Variants in NEDD4L observed in about 807,000 individuals in gnomAD.
NEDD4L encodes NEDD4 like E3 ubiquitin protein ligase.
In NEDD4L, 54 loss-of-function variants were observed where a neutral mutation model predicts 148.9. The observed-to-expected ratio is 0.36, with a 90% CI of 0.29 to 0.45. The LOEUF (loss-of-function observed/expected upper bound fraction) is 0.45, where lower values mean the gene tolerates loss of function less well. Among genes scored for constraint, NEDD4L ranks in the 20% least tolerant of loss-of-function variants. NEDD4L has a pLI of 1.00. For synonymous variants in NEDD4L, 433 were observed against 440.7 expected, an observed-to-expected ratio of 0.98 and a Z score of 0.22; for missense variants, 856 against 1,233.8, an observed-to-expected ratio of 0.69 and a Z score of 4.59.
chr18:58,127,955 C>T (rs929705008), intron 1 of NEDD4L, among the ~76,000 whole-genome samples: 1 of 152,194 alleles, frequency 6.6e-6, no homozygotes, highest in Non-Finnish European at 1.5e-5. Flanking sequence ...CAAACCCCAC[C>T]TCCCAGTTCA....
At chr18:58,068,344 C>T (rs776300120) in intron 1 of NEDD4L, among the ~76,000 whole-genome samples, 6 of 152,050 alleles carry the variant, frequency 3.9e-5, no homozygotes, top group African/African-American at 7.2e-5. Flanking sequence ...AGACTACAGG[C>T]GCCTGCCACC....
intron 1 of NEDD4L, among the ~76,000 whole-genome samples, chr18:58,097,763 G>T (rs1191412229): frequency 1.3e-5 from 2 of 152,170 alleles, no homozygotes; most frequent in Non-Finnish European, 2.9e-5. Flanking sequence ...CAGGTATGGT[G>T]GCTTATGCTT....
Position 58,180,921 on chromosome 18 carries a change from G to C in NEDD4L, c.122+15060G>C, listed in dbSNP as rs75824004. Among the ~76,000 whole-genome samples, 1,115 of 152,208 alleles carry C rather than the reference G, an allele frequency of 7.3e-3. 13 individuals carry two copies. The highest frequency in any genetic ancestry group is 0.026 in the African/African-American group (1,061 of 41,524). On this transcript the variant is annotated intron_variant, in intron 2 of 30. Transcript: ENST00000400345. ...TTCTCTGGTCTATCGAGGTGTATTG[G>C]GGGGGTTACAGCACCCTCTGGTGGC...
Position 58,109,561 on chromosome 18 carries a change from G to GT in NEDD4L, c.49-56217dup, listed in dbSNP as rs772954089. On this transcript the variant is annotated intron_variant, in intron 1 of 30. Coordinates refer to ENST00000400345, the MANE Select transcript of NEDD4L (RefSeq NM_001144967.3). ...CACAGGCTTTGGGAACAACTAGGAG[G>GT]TTTTTTTTTTGTTTTTTTTTTTTTT... 6.2e-3 allele frequency among the ~76,000 whole-genome samples: 845 copies of GT among 135,894 alleles called. 13 individuals carry two copies. The highest frequency in any genetic ancestry group is 0.02 in the African/African-American group (687 of 35,122). 89.2% of individuals were successfully genotyped at this position (135,894 alleles called of 152,430 possible).
intron 2 of NEDD4L, among the ~76,000 whole-genome samples, chr18:58,243,696 T>C (rs953383134): frequency 6.6e-6 from 1 of 152,202 alleles, no homozygotes; most frequent in African/African-American, 2.4e-5. Flanking sequence ...TGCCGGCTCT[T>C]GATCCATCTT....
chr18:58,109,575 T>G (rs1381259381), intron 1 of NEDD4L, among the ~76,000 whole-genome samples: 5 of 146,810 alleles, frequency 3.4e-5, no homozygotes, highest in South Asian at 2.2e-4. Flanking sequence ...TTTTTTTGTT[T>G]TTTTTTTTTT....
At chr18:58,262,472 T>A (rs1421535010) in intron 5 of NEDD4L, among the ~76,000 whole-genome samples, 1 of 151,970 alleles carries the variant, frequency 6.6e-6, no homozygotes, top group Non-Finnish European at 1.5e-5. Context: ...CTACAAAAAA[T>A]ACAAAAGCTA....
chr18:58,060,575 T>C (rs749341384), intron 1 of NEDD4L, among the ~76,000 whole-genome samples: 1 of 152,032 alleles, frequency 6.6e-6, no homozygotes, highest in East Asian at 1.9e-4. Flanking sequence ...TCCATTGGAT[T>C]TGGTCACTGA....
intron 21 of NEDD4L, chr18:58,367,055 A>G (rs888001451): frequency 3.3e-5 from 5 of 152,296 alleles, no homozygotes; most frequent in Admixed American, 6.5e-5. Context: ...AATGTATCCA[A>G]CTATTGAAGG....
Position 58,397,059 on chromosome 18 carries a change from A to G in NEDD4L, c.*790A>G, listed in dbSNP as rs987554462. 1.3e-5 allele frequency: 2 copies of G among 152,682 alleles called. No homozygotes were observed. The highest frequency in any genetic ancestry group is 4.8e-5 in the African/African-American group (2 of 41,472). The allele number at this position is 152,682 out of a possible 1,614,324, so 9.5% of individuals were successfully genotyped here. On this transcript the variant is annotated 3_prime_UTR_variant, in exon 31 of 31. Transcript: ENST00000400345. ...ACCATTATTCCTTAGAAGTAATTACATGTGTTCTAACACATTTGAGACAGG... is the reference window on the plus strand; with the variant it reads ...ACCATTATTCCTTAGAAGTAATTACGTGTGTTCTAACACATTTGAGACAGG...
At chr18:58,232,702 T>C (rs2045393224) in intron 2 of NEDD4L, among the ~76,000 whole-genome samples, 1 of 152,226 alleles carries the variant, frequency 6.6e-6, no homozygotes, top group Non-Finnish European at 1.5e-5. Flanking sequence ...TATCCTCGCT[T>C]AAAAAATTTC....
At chr18:58,059,976 G>A (rs375040545) in intron 1 of NEDD4L, among the ~76,000 whole-genome samples, 5 of 152,194 alleles carry the variant, frequency 3.3e-5, no homozygotes, top group South Asian at 4.1e-4. Flanking sequence ...TTATAGGTGG[G>A]GAAACTGAGG....
intron 5 of NEDD4L, among the ~76,000 whole-genome samples, chr18:58,305,239 T>C (rs1272334432): frequency 6.6e-6 from 1 of 152,218 alleles, no homozygotes; most frequent in Non-Finnish European, 1.5e-5. Context: ...TGCTGATCAG[T>C]GTCACTCCAC....
At chr18:58,349,904 C>T (rs1392001685) in intron 17 of NEDD4L, among the ~76,000 whole-genome samples, 1 of 152,172 alleles carries the variant, frequency 6.6e-6, no homozygotes, top group African/African-American at 2.4e-5. Context: ...ATTTAAGTGG[C>T]ACTCATTCAT....
chr18:58,290,121 C>T (rs979086576), intron 5 of NEDD4L, among the ~76,000 whole-genome samples: 7 of 152,234 alleles, frequency 4.6e-5, no homozygotes, highest in African/African-American at 1.4e-4. Context: ...AGACATTAGA[C>T]TTCAGACATT....
chr18:58,194,755 T>C (rs956911175), intron 2 of NEDD4L, among the ~76,000 whole-genome samples: 11 of 152,208 alleles, frequency 7.2e-5, no homozygotes, highest in African/African-American at 2.7e-4. Flanking sequence ...GGGTATGCAC[T>C]GGATCCATTT....
intron 2 of NEDD4L, among the ~76,000 whole-genome samples, chr18:58,172,189 A>G (rs1230113166): frequency 6.6e-6 from 1 of 152,146 alleles, no homozygotes; most frequent in Non-Finnish European, 1.5e-5. Flanking sequence ...GAGGAGAGGT[A>G]CAGGTGGCAA....
chr18:58,171,646 A>G (rs2037520304), intron 2 of NEDD4L, among the ~76,000 whole-genome samples: 1 of 152,240 alleles, frequency 6.6e-6, no homozygotes, highest in Non-Finnish European at 1.5e-5. Context: ...ATTGAGTGGA[A>G]CACAATATGG....
At chr18:58,159,520 A>G (rs1231783923) in intron 1 of NEDD4L, among the ~76,000 whole-genome samples, 1 of 152,132 alleles carries the variant, frequency 6.6e-6, no homozygotes, top group African/African-American at 2.4e-5. Context: ...CCTTCTGCTC[A>G]ATTTTGCTGT....
Sources: gnomAD v4.1 joint callset for allele counts (sites outside exome capture counted in the v4.1 genomes callset) on GRCh38, gnomAD v4.1.1 for gene constraint, MANE v1.5 for transcripts, NCBI Gene and HGNC (gene_info 2026-07-23, HGNC 2026-07-21) for gene names.